Variants in LVRN observed in about 807,000 individuals in gnomAD.
The protein encoded by LVRN is aminopeptidase Q.
Under a neutral mutation model 111.4 loss-of-function variants are expected in LVRN, and 99 were observed. The ratio of observed to expected loss-of-function variants is 0.89; its 90% CI spans 0.76 to 1.05. The LOEUF (loss-of-function observed/expected upper bound fraction) is 1.05, where lower values mean the gene tolerates loss of function less well. Ranked by LOEUF, LVRN falls within the 50% of genes least tolerant of loss-of-function variation. LVRN has a pLI of 0.00. For synonymous variants in LVRN, 488 were observed against 449.5 expected (o/e 1.09, Z -1.08); for missense variants, 1,414 against 1,206.8 (o/e 1.17, Z -2.54).
At chr5:116,024,174 T>TTTATTTGACTTTTACAGTTTAAGTA (rs1350044598) in intron 19 of LVRN, among the ~76,000 whole-genome samples, 1 of 152,190 alleles carries the variant, frequency 6.6e-6, no homozygotes, top group East Asian at 1.9e-4. Context: ...GGGTACACAG[T>TTTATTTGACTTTTACAGTTTAAGTA]GGTCAAAATT....
Position 115,962,641 on chromosome 5 carries a change from C to A in LVRN, c.24C>A (p.Gly8=), listed in dbSNP as rs200890347. The A allele has an allele frequency of 2.5e-6, 4 of 1,604,730 alleles. No homozygotes were observed. The highest frequency in any genetic ancestry group is 3.4e-6 in the Non-Finnish European group (4 of 1,177,338). The change falls in exon 1 of 20, where the codon GGC becomes GGA. Residue 8 remains glycine (G), a synonymous_variant. Coordinates refer to ENST00000357872, the MANE Select transcript of LVRN (RefSeq NM_173800.5). The part of the protein sequence containing the change: MGPPSSS[G]FYVSRAVALL... ...CCATGGGGCCCCCTTCCAGCTCAGGCTTCTATGTGAGCCGCGCAGTGGCCC... is the reference window on the plus strand; with the variant it reads ...CCATGGGGCCCCCTTCCAGCTCAGGATTCTATGTGAGCCGCGCAGTGGCCC...
In LVRN at chr5:116,026,346, A is replaced by T; in HGVS notation, c.*228A>T. On this transcript the variant is annotated 3_prime_UTR_variant, in exon 20 of 20. Transcript: ENST00000357872. ...GTATTTCTGGGAAAGATGTCACTTC[A>T]TGTTGGGTTATAATCCCACAGAATT... The T allele has an allele frequency of 1.9e-6, 1 of 539,604 alleles. No homozygotes were observed. Among genetic ancestry groups the T allele is most frequent in the Non-Finnish European group, 3.3e-6 (1 of 307,156 alleles). The allele number at this position is 539,604 out of a possible 1,614,324, so 33.4% of individuals were successfully genotyped here.
intron 10 of LVRN, among the ~76,000 whole-genome samples, chr5:116,001,942 C>A (rs1748247171): frequency 6.6e-6 from 1 of 152,084 alleles, no homozygotes; most frequent in Admixed American, 6.5e-5. Context: ...TCTTCTCTTC[C>A]CTTTCTTAAT....
intron 18 of LVRN, among the ~76,000 whole-genome samples, chr5:116,017,333 C>T (rs1026111430): frequency 1.3e-5 from 2 of 152,166 alleles, no homozygotes; most frequent in African/African-American, 2.4e-5. Context: ...TTTGTGTGCT[C>T]TTCATTGGTG....
intron 15 of LVRN, among the ~76,000 whole-genome samples, chr5:116,012,703 C>G (rs774032118): frequency 6.6e-6 from 1 of 152,158 alleles, no homozygotes; most frequent in South Asian, 2.1e-4. Flanking sequence ...GAGCTTATAG[C>G]TCTATATTCT....
intron 1 of LVRN, among the ~76,000 whole-genome samples, chr5:115,965,247 A>G (rs1318444513): frequency 6.6e-6 from 1 of 152,208 alleles, no homozygotes; most frequent in African/African-American, 2.4e-5. Context: ...TTCCTGGTAT[A>G]TATGAGTCTA....
At chr5:115,988,000 G>A in intron 4 of LVRN, 61 bp downstream of exon 4, 1 of 1,558,672 alleles carries the variant, frequency 6.4e-7, no homozygotes, top group Non-Finnish European at 8.7e-7. Flanking sequence ...CTTGGTTGAG[G>A]CCTCAAGATA....
intron 18 of LVRN, among the ~76,000 whole-genome samples, chr5:116,017,908 C>T (rs1049718608): frequency 3.3e-5 from 5 of 152,016 alleles, no homozygotes; most frequent in Non-Finnish European, 7.4e-5. Flanking sequence ...TATAACATCC[C>T]TCAGCAGTAT....
intron 1 of LVRN, among the ~76,000 whole-genome samples, chr5:115,967,689 AG>A (rs1753231640): frequency 6.6e-6 from 1 of 152,192 alleles, no homozygotes; most frequent in South Asian, 2.1e-4. Context: ...AAATTTAGGG[AG>A]AATTGCTAGC....
At position 115,962,641 on chromosome 5, in the gene LVRN, C is replaced by CTT. The variant is rs1561550129; in HGVS notation, c.25_26dup (p.Tyr10SerfsTer3). On this transcript the variant is annotated frameshift_variant, in exon 1 of 20. Transcript: ENST00000357872. LOFTEE classifies it high-confidence loss of function. ...CCATGGGGCCCCCTTCCAGCTCAGG[C>CTT]TTCTATGTGAGCCGCGCAGTGGCCC... The CTT allele has an allele frequency of 6.2e-7, 1 of 1,604,610 alleles. No homozygotes were observed. Among genetic ancestry groups the CTT allele is most frequent in the East Asian group, 2.2e-5 (1 of 44,754 alleles).
At chr5:116,018,250 C>A (rs1490638635) in intron 18 of LVRN, among the ~76,000 whole-genome samples, 2 of 152,130 alleles carry the variant, frequency 1.3e-5, no homozygotes, top group Non-Finnish European at 2.9e-5. Flanking sequence ...GAATTAAACC[C>A]GTATCCCCTG....
chr5:115,976,832 G>C (rs1753459826), intron 1 of LVRN, among the ~76,000 whole-genome samples: 1 of 152,048 alleles, frequency 6.6e-6, no homozygotes, highest in African/African-American at 2.4e-5. Context: ...TGGCCCTTTT[G>C]GATAGTAACT....
chr5:115,994,550 G>A (rs1413941587), intron 6 of LVRN, among the ~76,000 whole-genome samples: 1 of 152,182 alleles, frequency 6.6e-6, no homozygotes, highest in Non-Finnish European at 1.5e-5. Flanking sequence ...TGGGATTACA[G>A]GCGTGAGCTA....
At chr5:115,988,029 G>A in intron 4 of LVRN, 90 bp downstream of exon 4, 3 of 1,481,798 alleles carry the variant, frequency 2.0e-6, no homozygotes, top group Non-Finnish European at 2.7e-6. Context: ...AACCCATAAG[G>A]ATTCACCATC....
intron 19 of LVRN, chr5:116,023,604 G>A (rs1330222521): frequency 1.3e-5 from 2 of 152,310 alleles, no homozygotes; most frequent in African/African-American, 4.8e-5. Flanking sequence ...CACTGGGAAG[G>A]GGAAGGGGTA....
intron 13 of LVRN, among the ~76,000 whole-genome samples, chr5:116,008,460 A>T (rs1463977096): frequency 2.0e-5 from 3 of 152,192 alleles, no homozygotes. Context: ...AAAAGCTAGA[A>T]ATGATTAAGT....
At chr5:115,999,023 C>G (rs974352682) in intron 6 of LVRN, among the ~76,000 whole-genome samples, 1 of 152,108 alleles carries the variant, frequency 6.6e-6, no homozygotes, top group East Asian at 1.9e-4. Context: ...CTTGAGGGTT[C>G]CCGTGGATCA....
intron 1 of LVRN, among the ~76,000 whole-genome samples, chr5:115,967,420 AC>A (rs1208630548): frequency 6.6e-6 from 1 of 152,142 alleles, no homozygotes; most frequent in African/African-American, 2.4e-5. Context: ...TTGCTTTTGC[AC>A]CTTTGTCAAA....
chr5:115,983,510 G>A, intron 2 of LVRN, 81 bp downstream of exon 2: 2 of 1,448,422 alleles, frequency 1.4e-6, no homozygotes, highest in Non-Finnish European at 9.2e-7. Context: ...GCTTTTCTAG[G>A]CAGTGTATTA....
Sources: gnomAD v4.1 joint callset for allele counts (sites outside exome capture counted in the v4.1 genomes callset) on GRCh38, gnomAD v4.1.1 for gene constraint, MANE v1.5 for transcripts, NCBI Gene and HGNC (gene_info 2026-07-23, HGNC 2026-07-21) for gene names.